The following HTRA1 variants were observed in gnomAD, a reference collection of about 807,000 sequenced individuals.
HTRA1 encodes the protein serine protease HTRA1.
A neutral mutation model predicts 49.7 loss-of-function variants in HTRA1; 26 were observed. That is an observed-to-expected ratio of 0.52 (90% CI 0.38 to 0.73). The LOEUF (loss-of-function observed/expected upper bound fraction) is 0.73, where lower values mean the gene tolerates loss of function less well. Ranked by LOEUF, HTRA1 falls within the 30% of genes least tolerant of loss-of-function variation. The pLI, the probability that HTRA1 is intolerant of heterozygous loss-of-function variation, is 0.00. For missense variants in HTRA1, 561 were observed against 667.2 expected (o/e 0.84, Z 1.75); for synonymous variants, 291 against 286.9 (o/e 1.01, Z -0.14).
chr10:122,475,553 T>C (rs1351688333), intron 1 of HTRA1, among the ~76,000 whole-genome samples: 1 of 152,276 alleles, frequency 6.6e-6, no homozygotes, highest in African/African-American at 2.4e-5. Context: ...GAATTCAGTG[T>C]ATTTTAACAA....
chr10:122,465,410 A>G (rs888853541), intron 1 of HTRA1, among the ~76,000 whole-genome samples: 2 of 152,204 alleles, frequency 1.3e-5, no homozygotes, highest in Non-Finnish European at 2.9e-5. Context: ...GGACAGTCCT[A>G]TGAGTGAGTG....
intron 1 of HTRA1, among the ~76,000 whole-genome samples, 168 bp from the exon 2 acceptor site, chr10:122,488,734 G>A (rs762961137): frequency 5.3e-4 from 81 of 152,196 alleles, no homozygotes; most frequent in Non-Finnish European, 3.8e-4. Context: ...CACTCCCTTG[G>A]GAGGTGGATG....
chr10:122,505,474 C>T (rs557051867), intron 3 of HTRA1, among the ~76,000 whole-genome samples: 1 of 152,238 alleles, frequency 6.6e-6, no homozygotes, highest in East Asian at 1.9e-4. Context: ...GATCCCAGTC[C>T]CAGGTTTCAA....
chr10:122,496,218 A>C (rs1396590403), intron 3 of HTRA1, among the ~76,000 whole-genome samples: 1 of 52,696 alleles, frequency 1.9e-5, no homozygotes, highest in South Asian at 5.1e-4. Flanking sequence ...TTTGCCAGAG[A>C]TTGTGGGTTC....
In HTRA1 at chr10:122,485,398, A is replaced by G. The variant is rs1484279918; in HGVS notation, c.473-3504A>G. Among the ~76,000 whole-genome samples the G allele has an allele frequency of 2.0e-5, 3 of 152,196 alleles. No homozygotes were observed. In the East Asian group the frequency reaches 5.8e-4, roughly 29 times the overall value. On this transcript the variant is annotated intron_variant, in intron 1 of 8. Transcript: ENST00000368984. ...CTGTTTCCTCATCTGCAGAATTTGG[A>G]GAGTCCTGGACCTGATCTCAAATTT...
intron 1 of HTRA1, among the ~76,000 whole-genome samples, chr10:122,467,418 G>T (rs1041184533): frequency 3.9e-5 from 6 of 152,044 alleles, no homozygotes; most frequent in Non-Finnish European, 8.8e-5. Context: ...GAATGGTCTG[G>T]GATTTTTCTA....
At chr10:122,477,354 G>T (rs2097489107) in intron 1 of HTRA1, among the ~76,000 whole-genome samples, 1 of 152,146 alleles carries the variant, frequency 6.6e-6, no homozygotes, top group South Asian at 2.1e-4. Context: ...TAAAGATGAA[G>T]ATGAGGCCTC....
chr10:122,489,496 T>A lies in HTRA1; in HGVS notation c.647T>A (p.Val216Glu). ...GFIVSEDGLI[V>E]TNAHVVTNKH... The stretch of plus-strand genomic sequence containing the variant: ...ATTGTGTCGGAAGATGGACTGATCG[T>A]GACAAATGCCCACGTGGTGACCAAC... Residue 216 changes from valine (V) to glutamate (E), a missense_variant, in exon 3 of 9, where the codon GTG (valine) becomes GAG (glutamate). Transcript: ENST00000368984. 6.2e-7 allele frequency: 1 copy of A among 1,614,176 alleles called. No homozygotes were observed. Among genetic ancestry groups the A allele is most frequent in the Non-Finnish European group, 8.5e-7 (1 of 1,180,036 alleles).
intron 1 of HTRA1, among the ~76,000 whole-genome samples, chr10:122,478,517 C>G (rs943249802): frequency 6.6e-6 from 1 of 151,626 alleles, no homozygotes; most frequent in Non-Finnish European, 1.5e-5. Flanking sequence ...CTCAGCCTCC[C>G]GAGTAGCTGG....
chr10:122,462,183 T>A (rs2097481769), intron 1 of HTRA1, 59 bp downstream of exon 1: 2 of 1,369,810 alleles, frequency 1.5e-6, no homozygotes, highest in Middle Eastern at 2.0e-4. Context: ...CGGACCTGCT[T>A]CTGCGGGACT....
rs1230838829 is a variant in HTRA1, at chr10:122,464,887, G to A, written c.472+2763G>A. 2.0e-5 allele frequency among the ~76,000 whole-genome samples: 3 copies of A among 152,178 alleles called. No homozygotes were observed. The highest frequency in any genetic ancestry group is 4.4e-5 in the Non-Finnish European group (3 of 68,030). On this transcript the variant is annotated intron_variant, in intron 1 of 8. Coordinates refer to ENST00000368984, the MANE Select transcript of HTRA1 (RefSeq NM_002775.5). This position sits in a 1 kb window ranked among gnomAD's most constrained non-coding sequence, Gnocchi z 4.8. ...TTTCTAGGGGTGCCACTTGACTAGAGGCCTGGAGTTGGAGCAAGTCATACA... is the reference window on the plus strand; with the variant it reads ...TTTCTAGGGGTGCCACTTGACTAGAAGCCTGGAGTTGGAGCAAGTCATACA...
intron 1 of HTRA1, among the ~76,000 whole-genome samples, chr10:122,475,839 G>T (rs2672587): frequency 3.3e-5 from 5 of 152,068 alleles, no homozygotes; most frequent in African/African-American, 9.7e-5. Flanking sequence ...TGCAAGGTCT[G>T]GCTTCTGTTT....
chr10:122,505,164 A>C (rs373769186), intron 3 of HTRA1, among the ~76,000 whole-genome samples: 34 of 152,192 alleles, frequency 2.2e-4, no homozygotes, highest in East Asian at 1.3e-3. Flanking sequence ...TTTCCAGATG[A>C]GAAAACTGAG....
intron 3 of HTRA1, among the ~76,000 whole-genome samples, chr10:122,493,350 T>A (rs550395149): frequency 2.0e-4 from 30 of 152,274 alleles, no homozygotes; most frequent in African/African-American, 6.7e-4. Context: ...GTCGGGACAG[T>A]GTGCGTGTAA....
At chr10:122,468,932 C>T (rs2097484935) in intron 1 of HTRA1, among the ~76,000 whole-genome samples, 1 of 152,064 alleles carries the variant, frequency 6.6e-6, no homozygotes, top group African/African-American at 2.4e-5. Flanking sequence ...CCATGGATAC[C>T]CTATTATTTT....
chr10:122,501,176 G>T (rs377716288), intron 3 of HTRA1, among the ~76,000 whole-genome samples: 1 of 152,162 alleles, frequency 6.6e-6, no homozygotes, highest in African/African-American at 2.4e-5. Flanking sequence ...GTGGTGGGTC[G>T]TGAAGGCTGC....
At chr10:122,497,039 C>T (rs2097499011) in intron 3 of HTRA1, among the ~76,000 whole-genome samples, 1 of 152,170 alleles carries the variant, frequency 6.6e-6, no homozygotes, top group Non-Finnish European at 1.5e-5. Context: ...TGATGCAGTT[C>T]CGTAGCTGGT....
intron 3 of HTRA1, among the ~76,000 whole-genome samples, chr10:122,498,813 A>G (rs2736921): frequency 0.82 from 125,147 of 151,840 alleles, 52,055 homozygotes; most frequent in Non-Finnish European, 0.89. Context: ...TTGTGAATAA[A>G]GCCCTATGAG....
intron 3 of HTRA1, among the ~76,000 whole-genome samples, chr10:122,496,146 G>A (rs1422330074): frequency 2.0e-5 from 3 of 150,616 alleles, no homozygotes; most frequent in Admixed American, 6.6e-5. Context: ...AGAACCAAGC[G>A]AGGTGAAGCA....
Sources: allele counts gnomAD v4.1 joint callset (sites outside exome capture counted in the v4.1 genomes callset), GRCh38; gene constraint gnomAD v4.1.1; non-coding constraint Gnocchi (gnomAD v3.1); transcripts MANE v1.5; gene names NCBI Gene and HGNC (gene_info 2026-07-23, HGNC 2026-07-21).